PTPRO: variants seen among roughly 807,000 people sequenced by gnomAD.
The protein encoded by PTPRO is receptor-type tyrosine-protein phosphatase O.
Under a neutral mutation model 145.2 loss-of-function variants are expected in PTPRO, and 62 were observed. That is an observed-to-expected ratio of 0.43 (90% CI 0.35 to 0.53). PTPRO has a LOEUF of 0.53. Ranked by LOEUF, PTPRO falls within the 20% of genes least tolerant of loss-of-function variation. The probability of loss-of-function intolerance (pLI) is 0.01; values close to 1 mark genes in which losing one functional copy is unlikely to be tolerated. For missense variants in PTPRO, 1,345 were observed against 1,482.7 expected, an observed-to-expected ratio of 0.91 and a Z score of 1.53; for synonymous variants, 565 against 514.7, an observed-to-expected ratio of 1.10 and a Z score of -1.32.
intron 1 of PTPRO, among the ~76,000 whole-genome samples, chr12:15,326,586 A>G (rs904221299): frequency 3.9e-5 from 6 of 152,268 alleles, no homozygotes; most frequent in African/African-American, 1.4e-4. Context: ...ATGTAACACT[A>G]TTTCTACTAT....
In PTPRO at chr12:15,555,788, A is replaced by G. The variant is rs183592843; in HGVS notation, c.2559-1667A>G. Among the ~76,000 whole-genome samples the G allele has an allele frequency of 3.4e-4, 52 of 152,290 alleles. No homozygotes were observed. The Middle Eastern group carries it at 0.01, about 30-fold the overall frequency. On this transcript the variant is annotated intron_variant, in intron 15 of 26. Transcript: ENST00000281171. ...GAACTCTTCTAAGAATAATGCTTCC[A>G]TTTTCTGTGCCTAAAATAAAATACA... is the stretch of plus-strand genomic sequence containing the variant.
intron 1 of PTPRO, among the ~76,000 whole-genome samples, chr12:15,435,048 C>T (rs182008465): frequency 2.6e-5 from 4 of 152,156 alleles, no homozygotes; most frequent in Admixed American, 2.6e-4. Context: ...TTTAAAGACA[C>T]CAGTGCCCCC....
chr12:15,515,088 A>G (rs1247583663), intron 7 of PTPRO, among the ~76,000 whole-genome samples: 1 of 151,952 alleles, frequency 6.6e-6, no homozygotes, highest in African/African-American at 2.4e-5. Flanking sequence ...CTATAATTAG[A>G]TATTATATGC....
Position 15,502,034 on chromosome 12 carries a change from A to G in PTPRO, c.1076A>G (p.Asp359Gly). 1.9e-6 allele frequency: 3 copies of G among 1,613,380 alleles called. No homozygotes were observed. Among genetic ancestry groups the G allele is most frequent in the Non-Finnish European group, 2.5e-6 (3 of 1,179,344 alleles). ...WLPPKPPTAF[D>G]GFHIHIEREE... ...CCACCCAAACCACCCACTGCTTTTG[A>G]TGGGTTCCATATCCATATTGAACGA... The change falls in exon 5 of 27, where the codon GAT becomes GGT. Residue 359 changes from aspartate (D) to glycine (G), a missense_variant. Around this residue, in one of 3 missense-constraint regions of PTPRO, gnomAD observed 1,130 missense variants for 1,214.7 expected, o/e 0.93. Coordinates refer to ENST00000281171, the MANE Select transcript of PTPRO (RefSeq NM_030667.3).
intron 18 of PTPRO, 118 bp from the exon 19 acceptor site, chr12:15,569,299 T>C: frequency 3.1e-6 from 3 of 956,044 alleles, no homozygotes; most frequent in South Asian, 1.5e-5. Context: ...GTGCTAACCT[T>C]AGAGAAGTAA....
At chr12:15,325,306 G>A (rs1004568451) in intron 1 of PTPRO, among the ~76,000 whole-genome samples, 11 of 152,194 alleles carry the variant, frequency 7.2e-5, no homozygotes, top group Admixed American at 7.2e-4. Context: ...AGGAAAGTTT[G>A]AATGTGTATG....
At chr12:15,534,911 G>C (rs959634964) in intron 12 of PTPRO, among the ~76,000 whole-genome samples, 1 of 152,202 alleles carries the variant, frequency 6.6e-6, no homozygotes, top group Non-Finnish European at 1.5e-5. Flanking sequence ...GAAGTTGCAA[G>C]AGAGTGATGG....
chr12:15,572,695 T>TA (rs559097051), intron 19 of PTPRO, among the ~76,000 whole-genome samples: 84 of 152,318 alleles, frequency 5.5e-4, no homozygotes, highest in African/African-American at 1.9e-3. Flanking sequence ...GTTGTGTATT[T>TA]AAAAAATAAT....
At chr12:15,408,869 T>C (rs972898803) in intron 1 of PTPRO, among the ~76,000 whole-genome samples, 4 of 152,186 alleles carry the variant, frequency 2.6e-5, no homozygotes, top group Non-Finnish European at 5.9e-5. Context: ...AAATGAAGTA[T>C]AGATATAAAC....
intron 12 of PTPRO, among the ~76,000 whole-genome samples, chr12:15,545,709 C>T (rs10846202): frequency 0.3 from 45,233 of 151,640 alleles, 6,762 homozygotes; most frequent in Middle Eastern, 0.43. Context: ...ATTAATCTTC[C>T]AATCCCCTCC....
At chr12:15,459,028 T>C (rs1010492563) in intron 1 of PTPRO, among the ~76,000 whole-genome samples, 1 of 152,158 alleles carries the variant, frequency 6.6e-6, no homozygotes, top group African/African-American at 2.4e-5. Context: ...TTCTCAAATC[T>C]GTATGCTAGG....
At chr12:15,589,671 A>T in intron 25 of PTPRO, 81 bp downstream of exon 25, 1 of 1,514,708 alleles carries the variant, frequency 6.6e-7, no homozygotes, top group East Asian at 2.3e-5. Flanking sequence ...GCTTCAAAAC[A>T]ATTCTCTCAA....
At chr12:15,552,194 T>G (rs527826755) in intron 15 of PTPRO, among the ~76,000 whole-genome samples, 6 of 152,292 alleles carry the variant, frequency 3.9e-5, no homozygotes, top group African/African-American at 1.4e-4. Context: ...TAGTTTTTCT[T>G]GCAATTAGAA....
At position 15,416,959 on chromosome 12, in the gene PTPRO, C is replaced by T. The variant is rs545736621; in HGVS notation, c.76-67015C>T. ...TGGATATAAGTTTTACATTAAGGTT[C>T]GGTCTATACACAATCATATTGATTA... is the stretch of plus-strand genomic sequence containing the variant. On this transcript the variant is annotated intron_variant, in intron 1 of 26. Transcript: ENST00000281171. Among the ~76,000 whole-genome samples, 16 of 151,608 alleles carry T rather than the reference C, an allele frequency of 1.1e-4. 1 individual carries two copies. The highest frequency in any genetic ancestry group is 3.9e-4 in the East Asian group (2 of 5,162).
At chr12:15,375,212 A>T (rs1463417974) in intron 1 of PTPRO, among the ~76,000 whole-genome samples, 1 of 152,184 alleles carries the variant, frequency 6.6e-6, no homozygotes, top group African/African-American at 2.4e-5. Context: ...TGGGGAAAAC[A>T]TCTGACTTTC....
At chr12:15,447,066 T>G (rs1053039054) in intron 1 of PTPRO, among the ~76,000 whole-genome samples, 2 of 152,114 alleles carry the variant, frequency 1.3e-5, no homozygotes, top group Non-Finnish European at 2.9e-5. Flanking sequence ...AAGCCTACAT[T>G]CAGCATATGA....
At chr12:15,458,245 G>C (rs1941223868) in intron 1 of PTPRO, among the ~76,000 whole-genome samples, 1 of 152,060 alleles carries the variant, frequency 6.6e-6, no homozygotes, top group Non-Finnish European at 1.5e-5. Context: ...CAGATTCCCT[G>C]TATGTGATAA....
At chr12:15,488,665 G>T (rs1464662170) in intron 2 of PTPRO, among the ~76,000 whole-genome samples, 5 of 152,162 alleles carry the variant, frequency 3.3e-5, no homozygotes, top group African/African-American at 1.2e-4. Flanking sequence ...AAAGCAATTG[G>T]CCCCAGGGCA....
chr12:15,500,162 C>T (rs1432989815), intron 4 of PTPRO, among the ~76,000 whole-genome samples: 2 of 151,658 alleles, frequency 1.3e-5, no homozygotes, highest in African/African-American at 4.8e-5. Flanking sequence ...CTACTAAGTA[C>T]CCATCACCAA....
Sources: gnomAD v4.1 joint callset for allele counts (sites outside exome capture counted in the v4.1 genomes callset) on GRCh38, gnomAD v4.1.1 for gene constraint, gnomAD v4.1.1 regional missense constraint, MANE v1.5 for transcripts, NCBI Gene and HGNC (gene_info 2026-07-23, HGNC 2026-07-21) for gene names.